The following ZNF821 variants were observed in gnomAD, a reference collection of about 807,000 sequenced individuals.
ZNF821 encodes zinc finger protein 821.
In ZNF821, 16 loss-of-function variants were observed where a neutral mutation model predicts 44.3. The ratio of observed to expected loss-of-function variants is 0.36; its 90% confidence interval spans 0.24 to 0.55. The LOEUF (loss-of-function observed/expected upper bound fraction) is 0.55. Among genes scored for constraint, ZNF821 ranks in the 20% least tolerant of loss-of-function variants. The pLI is 0.86. For synonymous variants in ZNF821, 204 were observed against 197.6 expected, an observed-to-expected ratio of 1.03 and a Z score of -0.27; for missense variants, 436 against 547.6, an observed-to-expected ratio of 0.80 and a Z score of 2.03.
upstream of ZNF821, among the ~76,000 whole-genome samples, chr16:71,887,133 A>G (rs1291141954): frequency 6.6e-6 from 1 of 152,178 alleles, no homozygotes; most frequent in Non-Finnish European, 1.5e-5. Flanking sequence ...ACTATGCATA[A>G]TGCTACTATG....
intron 3 of ZNF821, among the ~76,000 whole-genome samples, chr16:71,876,681 C>G (rs1455888163): frequency 6.6e-6 from 1 of 152,308 alleles, no homozygotes; most frequent in South Asian, 2.1e-4. Context: ...TCTCTCAGCT[C>G]ACTGCAGCCT....
intron 5 of ZNF821, 123 bp downstream of exon 5, chr16:71,864,780 G>T: frequency 8.1e-7 from 1 of 1,228,888 alleles, no homozygotes; most frequent in Non-Finnish European, 1.1e-6. Context: ...TGAAGGAAGA[G>T]GCCTCCCATG....
intron 6 of ZNF821, 148 bp downstream of exon 6, chr16:71,863,990 G>T: frequency 1.4e-6 from 1 of 709,124 alleles, no homozygotes; most frequent in South Asian, 1.7e-5. Flanking sequence ...GAGCCACTGC[G>T]CCCAGCCTCC....
Position 71,859,830 on chromosome 16 carries a change from G to T in ZNF821, c.*188C>A. 1.5e-6 allele frequency: 1 copy of T among 665,814 alleles called. No homozygotes were observed. The highest frequency in any genetic ancestry group is 1.8e-5 in the African/African-American group (1 of 55,226). 41.2% of individuals were successfully genotyped at this position (665,814 alleles called of 1,614,324 possible). A position where few individuals can be genotyped will look rare whatever the true frequency, so the allele number is the denominator to read the frequency against. On this transcript the variant is annotated 3_prime_UTR_variant, in exon 8 of 8. Coordinates refer to ENST00000425432, the MANE Select transcript of ZNF821 (RefSeq NM_001201552.2). Reference sequence around the variant, plus strand: ...CCTTGTCCAGAGCTGCCTTGAGCCAGGTCCCTCCTGACCCCATCATCCTGT... The same window carrying T: ...CCTTGTCCAGAGCTGCCTTGAGCCATGTCCCTCCTGACCCCATCATCCTGT...
At chr16:71,877,852 C>T (rs1022632154) in intron 3 of ZNF821, among the ~76,000 whole-genome samples, 2 of 150,288 alleles carry the variant, frequency 1.3e-5, no homozygotes, top group African/African-American at 4.9e-5. Flanking sequence ...CCCAGGAGGT[C>T]GAGGTTGCAG....
intron 1 of ZNF821, chr16:71,894,820 G>A (rs753996328): frequency 2.0e-6 from 3 of 1,533,876 alleles, no homozygotes; most frequent in South Asian, 2.4e-5. Flanking sequence ...TCCCTTCCAG[G>A]CTTAAGCAGC....
chr16:71,886,734 C>T (rs1183120032), upstream of ZNF821, among the ~76,000 whole-genome samples: 1 of 152,192 alleles, frequency 6.6e-6, no homozygotes, highest in Admixed American at 6.5e-5. Flanking sequence ...GGTACATTCA[C>T]AGGGTTGACA....
upstream of ZNF821, chr16:71,884,900 C>T (rs1448984135): frequency 6.7e-6 from 1 of 148,418 alleles, no homozygotes; most frequent in African/African-American, 2.5e-5. Context: ...CTCTGTCACC[C>T]AGGCTGCAAT....
intron 3 of ZNF821, among the ~76,000 whole-genome samples, chr16:71,875,402 C>G (rs976491945): frequency 2.0e-5 from 3 of 151,874 alleles, no homozygotes; most frequent in African/African-American, 7.3e-5. Context: ...CCGTGTTAGT[C>G]TCCTGAGTAG....
intron 3 of ZNF821, among the ~76,000 whole-genome samples, chr16:71,876,901 G>C (rs570298246): frequency 6.6e-6 from 1 of 151,998 alleles, no homozygotes; most frequent in South Asian, 2.1e-4. Context: ...CACCGAGCTC[G>C]GCTAAAGATA....
At chr16:71,874,273 A>C (rs1454265836) in intron 3 of ZNF821, among the ~76,000 whole-genome samples, 1 of 151,798 alleles carries the variant, frequency 6.6e-6, no homozygotes, top group Non-Finnish European at 1.5e-5. Context: ...GGGAATTCTT[A>C]ATATATCCCT....
chr16:71,891,166 C>A (rs1445776964), intron 1 of ZNF821, among the ~76,000 whole-genome samples: 1 of 152,150 alleles, frequency 6.6e-6, no homozygotes, highest in African/African-American at 2.4e-5. Context: ...GGCTTGCAGG[C>A]CTGTTATAGA....
At chr16:71,891,995 C>CAAAAAA (rs58554253) in intron 1 of ZNF821, among the ~76,000 whole-genome samples, 3 of 21,158 alleles carry the variant, frequency 1.4e-4, no homozygotes, top group Admixed American at 7.4e-4. Flanking sequence ...GACTCCGTCT[C>CAAAAAA]AAAAAAAAAA....
chr16:71,866,869 C>A (rs1240025654), intron 4 of ZNF821, among the ~76,000 whole-genome samples: 4 of 152,306 alleles, frequency 2.6e-5, no homozygotes, highest in African/African-American at 9.6e-5. Flanking sequence ...GTCCTCTCTC[C>A]ATTTTCACCC....
intron 4 of ZNF821, among the ~76,000 whole-genome samples, chr16:71,866,673 T>C (rs2142375577): frequency 6.6e-6 from 1 of 152,342 alleles, no homozygotes; most frequent in Non-Finnish European, 1.5e-5. Flanking sequence ...AATGGAAAAC[T>C]ATTAGATGTT....
In ZNF821 at chr16:71,883,259, C is replaced by T. The variant is rs956677604; in HGVS notation, c.-126G>A. ...CGGAGCAAAGCAAACTCGACTGAATCCAAGTGATCTGTATCTGCCAAAAAG... is the reference window on the plus strand; with the variant it reads ...CGGAGCAAAGCAAACTCGACTGAATTCAAGTGATCTGTATCTGCCAAAAAG... On this transcript the variant is annotated 5_prime_UTR_variant, in exon 2 of 8. Transcript: ENST00000425432. 6 of 454,960 alleles carry T rather than the reference C, an allele frequency of 1.3e-5. No homozygotes were observed. The Admixed American group carries it at 1.4e-4, about 11-fold the overall frequency. The allele number at this position is 454,960 out of a possible 1,614,324, so 28.2% of individuals were successfully genotyped here. A position where few individuals can be genotyped will look rare whatever the true frequency, so the allele number is the denominator to read the frequency against.
intron 1 of ZNF821, among the ~76,000 whole-genome samples, chr16:71,889,981 C>CA (rs2036876772): frequency 6.6e-6 from 1 of 152,134 alleles, no homozygotes; most frequent in South Asian, 2.1e-4. Context: ...AAAACAAAAA[C>CA]AAAAAAATGA....
At chr16:71,873,317 G>A (rs1339766714) in intron 3 of ZNF821, among the ~76,000 whole-genome samples, 1 of 150,884 alleles carries the variant, frequency 6.6e-6, no homozygotes. Context: ...GCAGGATGCT[G>A]TCTCAAAAAA....
intron 5 of ZNF821, among the ~76,000 whole-genome samples, chr16:71,864,573 T>G (rs2034311812): frequency 6.6e-6 from 1 of 152,196 alleles, no homozygotes; most frequent in Non-Finnish European, 1.5e-5. Context: ...GGTGACACCT[T>G]GACTTAGATT....
Sources: allele counts gnomAD v4.1 joint callset (sites outside exome capture counted in the v4.1 genomes callset), GRCh38; gene constraint gnomAD v4.1.1; transcripts MANE v1.5; gene names NCBI Gene and HGNC (gene_info 2026-07-23, HGNC 2026-07-21).